Variants in CPPED1 observed in about 807,000 individuals in gnomAD.
CPPED1 encodes calcineurin like phosphoesterase domain containing 1, also known as serine/threonine-protein phosphatase CPPED1.
A neutral mutation model predicts 28.0 loss-of-function variants in CPPED1; 28 were observed. The ratio of observed to expected loss-of-function variants is 1.00; its 90% CI spans 0.74 to 1.37. CPPED1 has a LOEUF of 1.37. Ranked by LOEUF, CPPED1 falls within the 40% of genes most tolerant of loss-of-function variation. CPPED1 has a pLI of 0.00. For missense variants in CPPED1, 504 were observed against 416.5 expected (o/e 1.21, Z -1.83); for synonymous variants, 198 against 180.2 (o/e 1.10, Z -0.79).
chr16:12,716,799 A>G (rs2080109242), intron 2 of CPPED1, among the ~76,000 whole-genome samples: 1 of 152,234 alleles, frequency 6.6e-6, no homozygotes, highest in African/African-American at 2.4e-5. Context: ...AGGTAACAGC[A>G]TGACTGAGAC....
At position 12,704,644 on chromosome 16, in the gene CPPED1, G is replaced by T. The variant is rs1027629262; in HGVS notation, c.695C>A (p.Ala232Glu). The T allele has an allele frequency of 6.2e-7, 1 of 1,610,940 alleles. No individual in the cohort carries two copies. The highest frequency in any genetic ancestry group is 8.5e-7 in the Non-Finnish European group (1 of 1,177,486). Residue 232 changes from alanine (A) to glutamate (E), a missense_variant, in exon 3 of 4, where the codon GCA becomes GAA. Coordinates refer to ENST00000381774, the MANE Select transcript of CPPED1 (RefSeq NM_018340.3). ...NLSKSTRKKL[A>E]DKFIHAGVKV... ...TCTACCTGCGTGGATGAACTTGTCT[G>T]CCAACTTCTTCCGAGTGGACTTGCT...
intron 2 of CPPED1, among the ~76,000 whole-genome samples, chr16:12,751,930 T>C (rs2080332037): frequency 6.6e-6 from 1 of 152,126 alleles, no homozygotes; most frequent in South Asian, 2.1e-4. Context: ...AGTGATAAAA[T>C]AAATGAGAAA....
chr16:12,728,822 C>T (rs1451262497), intron 2 of CPPED1, among the ~76,000 whole-genome samples: 2 of 152,172 alleles, frequency 1.3e-5, no homozygotes, highest in African/African-American at 4.8e-5. Flanking sequence ...AGGCGAGAGG[C>T]AAGGCCCAGG....
At chr16:12,708,849 G>A (rs1299357726) in intron 2 of CPPED1, among the ~76,000 whole-genome samples, 2 of 152,164 alleles carry the variant, frequency 1.3e-5, no homozygotes, top group Admixed American at 6.6e-5. Flanking sequence ...GGAGGCTGAG[G>A]CAGGAGGATC....
At chr16:12,742,873 G>T (rs1370691048) in intron 2 of CPPED1, among the ~76,000 whole-genome samples, 1 of 152,166 alleles carries the variant, frequency 6.6e-6, no homozygotes, top group Non-Finnish European at 1.5e-5. Context: ...TCAGCAAAGG[G>T]ACTGGAGGCG....
intron 1 of CPPED1, among the ~76,000 whole-genome samples, chr16:12,790,486 C>T (rs1460639670): frequency 1.3e-5 from 2 of 152,150 alleles, no homozygotes; most frequent in African/African-American, 4.8e-5. Flanking sequence ...GGCCTGGGGG[C>T]CAGCCACGTT....
At chr16:12,736,505 C>T (rs1411584411) in intron 2 of CPPED1, among the ~76,000 whole-genome samples, 1 of 152,160 alleles carries the variant, frequency 6.6e-6, no homozygotes, top group African/African-American at 2.4e-5. Context: ...TCCCAAAGGG[C>T]TGGGATTATA....
At chr16:12,703,345 T>C (rs1211909678) in intron 3 of CPPED1, among the ~76,000 whole-genome samples, 2 of 152,330 alleles carry the variant, frequency 1.3e-5, no homozygotes, top group Non-Finnish European at 2.9e-5. Flanking sequence ...CAGCACTGTA[T>C]TCCCAGATGG....
chr16:12,705,696 T>G (rs1465341254), intron 2 of CPPED1, among the ~76,000 whole-genome samples: 1 of 152,138 alleles, frequency 6.6e-6, no homozygotes, highest in Admixed American at 6.6e-5. Flanking sequence ...AGGCAGAGGT[T>G]GCAGTAAGCC....
At chr16:12,677,876 A>C (rs2079885802) in intron 3 of CPPED1, among the ~76,000 whole-genome samples, 1 of 152,190 alleles carries the variant, frequency 6.6e-6, no homozygotes, top group African/African-American at 2.4e-5. Flanking sequence ...CTGGACAGTA[A>C]ATATTTTCGC....
intron 2 of CPPED1, among the ~76,000 whole-genome samples, chr16:12,763,489 T>A (rs2080421815): frequency 6.6e-6 from 1 of 151,924 alleles, no homozygotes; most frequent in Non-Finnish European, 1.5e-5. Context: ...CTCAATAGAG[T>A]CATTATTAAA....
intron 2 of CPPED1, 187 bp downstream of exon 2, chr16:12,780,998 C>T: frequency 1.7e-6 from 1 of 597,780 alleles, no homozygotes; most frequent in Non-Finnish European, 3.0e-6. Flanking sequence ...ATTAATCTCG[C>T]CAAACTCTAA....
intron 2 of CPPED1, chr16:12,760,926 C>T (rs2080405497): frequency 6.6e-6 from 1 of 152,264 alleles, no homozygotes; most frequent in East Asian, 1.9e-4. Flanking sequence ...CTGATGGAGA[C>T]ATAGTGACAG....
intron 3 of CPPED1, among the ~76,000 whole-genome samples, chr16:12,704,215 G>A (rs545916057): frequency 6.6e-6 from 1 of 152,164 alleles, no homozygotes; most frequent in South Asian, 2.1e-4. Context: ...TTCTCCCAAG[G>A]CACATGCAAG....
chr16:12,754,552 A>C (rs994656413), intron 2 of CPPED1, among the ~76,000 whole-genome samples: 1 of 152,208 alleles, frequency 6.6e-6, no homozygotes, highest in South Asian at 2.1e-4. Flanking sequence ...TTACAAAAGC[A>C]TCCAGTGCAG....
intron 1 of CPPED1, among the ~76,000 whole-genome samples, chr16:12,796,330 C>T (rs1348061829): frequency 6.6e-6 from 1 of 151,690 alleles, no homozygotes; most frequent in Non-Finnish European, 1.5e-5. Flanking sequence ...CCCATCTCTA[C>T]TAAAAAATAC....
At chr16:12,754,636 G>A (rs1376137841) in intron 2 of CPPED1, among the ~76,000 whole-genome samples, 1 of 152,156 alleles carries the variant, frequency 6.6e-6, no homozygotes, top group Non-Finnish European at 1.5e-5. Flanking sequence ...ACAGCTGACA[G>A]GCAGAGGCCA....
intron 3 of CPPED1, among the ~76,000 whole-genome samples, chr16:12,689,722 G>A (rs1206976468): frequency 6.6e-6 from 1 of 152,090 alleles, no homozygotes; most frequent in East Asian, 1.9e-4. Context: ...CTCTCACAGA[G>A]AAAACATACA....
intron 2 of CPPED1, among the ~76,000 whole-genome samples, chr16:12,731,853 G>C (rs112332237): frequency 1.2e-3 from 189 of 151,932 alleles, no homozygotes; most frequent in African/African-American, 4.3e-3. Flanking sequence ...AGGCGATATG[G>C]GGAGGAGGAA....
Sources: gnomAD v4.1 joint callset for allele counts (sites outside exome capture counted in the v4.1 genomes callset) on GRCh38, gnomAD v4.1.1 for gene constraint, MANE v1.5 for transcripts, NCBI Gene and HGNC (gene_info 2026-07-23, HGNC 2026-07-21) for gene names.